CEPT1: variants seen among roughly 807,000 people sequenced by gnomAD.
CEPT1 encodes choline/ethanolaminephosphotransferase 1.
A neutral mutation model predicts 42.6 loss-of-function variants in CEPT1; 7 were observed. The observed-to-expected ratio is 0.16, with a 90% CI of 0.09 to 0.31. CEPT1 has a LOEUF of 0.31. Ranked by LOEUF, CEPT1 falls within the 10% of genes least tolerant of loss-of-function variation. CEPT1 has a pLI of 1.00. For synonymous variants in CEPT1, 171 were observed against 171.9 expected (o/e 0.99, Z 0.04); for missense variants, 306 against 502.1 (o/e 0.61, Z 3.73).
chr1:111,150,925 G>T (rs1291447482), intron 2 of CEPT1, among the ~76,000 whole-genome samples: 1 of 152,050 alleles, frequency 6.6e-6, no homozygotes, highest in Non-Finnish European at 1.5e-5. Context: ...AAGTTAATTT[G>T]GAATTTGTCT....
chr1:111,167,692 A>G (rs904760569), intron 4 of CEPT1: 1 of 983,456 alleles, frequency 1.0e-6, no homozygotes, highest in African/African-American at 1.7e-5. Context: ...GGTGTTGTAT[A>G]ATATTTATGC....
chr1:111,179,420 T>C (rs930990240), intron 5 of CEPT1: 7 of 152,174 alleles, frequency 4.6e-5, no homozygotes, highest in African/African-American at 1.7e-4. Context: ...GTATAGCTCT[T>C]TGGCTATTTC....
chr1:111,153,778 T>C (rs932218116), intron 2 of CEPT1, among the ~76,000 whole-genome samples: 2 of 152,190 alleles, frequency 1.3e-5, no homozygotes, highest in South Asian at 4.1e-4. Context: ...TGTAAATACA[T>C]AGATTTATTT....
chr1:111,148,958 C>T (rs1655120135), intron 2 of CEPT1, among the ~76,000 whole-genome samples: 1 of 152,112 alleles, frequency 6.6e-6, no homozygotes, highest in South Asian at 2.1e-4. Context: ...TGGTAATGGC[C>T]ACAACATTCC....
At chr1:111,167,772 A>T (rs1656208789) in intron 4 of CEPT1, 1 of 949,798 alleles carries the variant, frequency 1.1e-6, no homozygotes, top group Non-Finnish European at 1.3e-6. Context: ...TTGAAACTAA[A>T]TATCCTTAGC....
Position 111,183,601 on chromosome 1 carries a change from TAA to T in CEPT1, c.1131+15_1131+16del. ...TGGATTGCCCTGGTAAGTATTGTAC[TAA>T]GTCTTATTTCATGGTTTGAGGGTTT... On this transcript the variant is annotated intron_variant, in intron 8 of 8. Transcript: ENST00000357172. 1 of 1,604,174 alleles carries T rather than the reference TAA, an allele frequency of 6.2e-7. No individual in the cohort carries two copies. The highest frequency in any genetic ancestry group is 1.1e-5 in the South Asian group (1 of 90,482).
chr1:111,140,111 G>C (rs1355094353), upstream of CEPT1: 1 of 150,812 alleles, frequency 6.6e-6, no homozygotes, highest in East Asian at 1.9e-4. Flanking sequence ...TGGGCCACGG[G>C]GCGCGCTCCC....
At chr1:111,181,668 T>C (rs923715373) in intron 5 of CEPT1, 2 of 152,192 alleles carry the variant, frequency 1.3e-5, no homozygotes, top group African/African-American at 2.4e-5. Context: ...CAATTTGGAG[T>C]TGGGAACTCT....
At chr1:111,168,345 C>T (rs568839248) in intron 4 of CEPT1, among the ~76,000 whole-genome samples, 1 of 151,942 alleles carries the variant, frequency 6.6e-6, no homozygotes, top group African/African-American at 2.4e-5. Flanking sequence ...CAAATGAAAA[C>T]CTGACAGATC....
chr1:111,147,047 C>T (rs1655007931), intron 1 of CEPT1, among the ~76,000 whole-genome samples: 1 of 152,102 alleles, frequency 6.6e-6, no homozygotes, highest in Admixed American at 6.6e-5. Flanking sequence ...GTGATTTGGA[C>T]AAGTTAATTA....
intron 2 of CEPT1, among the ~76,000 whole-genome samples, chr1:111,158,024 C>T (rs1655661009): frequency 6.6e-6 from 1 of 152,012 alleles, no homozygotes; most frequent in Admixed American, 6.6e-5. Context: ...CAAATAAGAC[C>T]TCTTCTTTTT....
chr1:111,140,912 A>G (rs1244147997), intron 1 of CEPT1, among the ~76,000 whole-genome samples: 1 of 152,254 alleles, frequency 6.6e-6, no homozygotes. Flanking sequence ...AATAACCAAA[A>G]GAGTTGCTGG....
intron 2 of CEPT1, among the ~76,000 whole-genome samples, chr1:111,156,698 T>C (rs1201585970): frequency 1.3e-5 from 2 of 152,216 alleles, no homozygotes; most frequent in East Asian, 3.8e-4. Flanking sequence ...TTAGATGGTC[T>C]GTCCAGTGCT....
chr1:111,161,329 T>C (rs766906686), intron 4 of CEPT1, 33 bp downstream of exon 4: 6 of 1,566,386 alleles, frequency 3.8e-6, no homozygotes, highest in Non-Finnish European at 5.2e-6. Context: ...TTTTGTTTTC[T>C]CTTTCACATA....
At chr1:111,151,093 A>C (rs1655244518) in intron 2 of CEPT1, among the ~76,000 whole-genome samples, 1 of 151,876 alleles carries the variant, frequency 6.6e-6, no homozygotes, top group Non-Finnish European at 1.5e-5. Flanking sequence ...ACACGTGCCC[A>C]AGGTAGTCAG....
chr1:111,149,767 G>C (rs1295235039), intron 2 of CEPT1, among the ~76,000 whole-genome samples: 1 of 152,196 alleles, frequency 6.6e-6, no homozygotes, highest in Non-Finnish European at 1.5e-5. Flanking sequence ...GAACAACAGG[G>C]AGGTGGATTG....
At chr1:111,155,991 ACGT>A (rs1402120442) in intron 2 of CEPT1, among the ~76,000 whole-genome samples, 1 of 151,798 alleles carries the variant, frequency 6.6e-6, no homozygotes, top group Non-Finnish European at 1.5e-5. Context: ...GTGCATTATT[ACGT>A]TGTTTATTTG....
At chr1:111,183,437 C>T (rs760577040) in intron 7 of CEPT1, 25 bp from the exon 8 acceptor site, 2 of 1,609,786 alleles carry the variant, frequency 1.2e-6, no homozygotes, top group South Asian at 1.1e-5. Flanking sequence ...ATGAAAATGC[C>T]TACGTTATTC....
intron 1 of CEPT1, among the ~76,000 whole-genome samples, chr1:111,144,626 G>T (rs1445713851): frequency 6.6e-6 from 1 of 152,200 alleles, no homozygotes; most frequent in African/African-American, 2.4e-5. Context: ...ATTAGGATCA[G>T]TTGCTTATAG....
Sources: gnomAD v4.1 joint callset for allele counts (sites outside exome capture counted in the v4.1 genomes callset) on GRCh38, gnomAD v4.1.1 for gene constraint, MANE v1.5 for transcripts, NCBI Gene and HGNC (gene_info 2026-07-23, HGNC 2026-07-21) for gene names.